TAOK3: variants seen among roughly 807,000 people sequenced by gnomAD.
TAOK3 encodes the protein TAO kinase 3.
TAOK3 carries 40 observed loss-of-function variants against 120.4 expected under a neutral mutation model. That is an observed-to-expected ratio of 0.33 (90% CI 0.26 to 0.43). The LOEUF (loss-of-function observed/expected upper bound fraction) is 0.43. TAOK3 is among the 20% of genes least tolerant of loss of function. TAOK3 has a pLI of 1.00. For missense variants in TAOK3, 821 were observed against 1,112.1 expected, an observed-to-expected ratio of 0.74 and a Z score of 3.72; for synonymous variants, 355 against 387.5, an observed-to-expected ratio of 0.92 and a Z score of 0.99.
chr12:118,149,937 T>G lies in TAOK3; in HGVS notation c.*1060A>C, dbSNP rs2034276002. ...GTAAAGCCTTTTTTTTTTTCATCAT[T>G]TTTTATTGTAAGAAAATACACAGTT... On this transcript the variant is annotated 3_prime_UTR_variant, in exon 21 of 21. Coordinates refer to ENST00000392533, the MANE Select transcript of TAOK3 (RefSeq NM_016281.4). 1 of 152,196 alleles carries G rather than the reference T, an allele frequency of 6.6e-6. No individual in the cohort carries two copies. Among genetic ancestry groups the G allele is most frequent in the South Asian group, 2.1e-4 (1 of 4,834 alleles). 9.4% of individuals were successfully genotyped at this position (152,196 alleles called of 1,614,324 possible).
chr12:118,361,975 T>C (rs186463716), intron 1 of TAOK3, among the ~76,000 whole-genome samples: 62 of 152,160 alleles, frequency 4.1e-4, no homozygotes, highest in African/African-American at 1.4e-3. Flanking sequence ...GCTTATACAC[T>C]GATGGTGCGA....
At position 118,150,236 on chromosome 12, in the gene TAOK3, A is replaced by C. The variant is rs920830195; in HGVS notation, c.*761T>G. ...GATTTGCCAAAGCCCAATTTGTGCT[A>C]CTGGGATTCTGTGAGCTCCTTAAGT... On this transcript the variant is annotated 3_prime_UTR_variant, in exon 21 of 21. Transcript: ENST00000392533. 6.6e-6 allele frequency: 1 copy of C among 152,652 alleles called. No homozygotes were observed. The highest frequency in any genetic ancestry group is 1.5e-5 in the Non-Finnish European group (1 of 68,048). 9.5% of individuals were successfully genotyped at this position (152,652 alleles called of 1,614,324 possible). A position where few individuals can be genotyped will look rare whatever the true frequency, so the allele number is the denominator to read the frequency against.
At chr12:118,241,832 C>T (rs932683916) in intron 5 of TAOK3, among the ~76,000 whole-genome samples, 2 of 152,022 alleles carry the variant, frequency 1.3e-5, no homozygotes, top group South Asian at 2.1e-4. Context: ...AACAGGTGGC[C>T]GGGTGCAGTG....
chr12:118,208,540 G>A (rs2038454295), intron 11 of TAOK3, among the ~76,000 whole-genome samples: 1 of 152,048 alleles, frequency 6.6e-6, no homozygotes, highest in African/African-American at 2.4e-5. Flanking sequence ...AAACTATAGT[G>A]AGAAAAGTTT....
chr12:118,329,369 A>G (rs2044056794), intron 1 of TAOK3, among the ~76,000 whole-genome samples: 1 of 152,232 alleles, frequency 6.6e-6, no homozygotes, highest in African/African-American at 2.4e-5. Flanking sequence ...CCTGAAGGAT[A>G]CGAATTGCAA....
intron 1 of TAOK3, among the ~76,000 whole-genome samples, chr12:118,302,336 T>C (rs1224653158): frequency 2.0e-5 from 3 of 152,214 alleles, no homozygotes; most frequent in African/African-American, 7.2e-5. Flanking sequence ...TCATCTCTCT[T>C]GTCCACTGCT....
rs766334747 is a variant in TAOK3, at chr12:118,318,158, C to CTT, written c.-193-51401_-193-51400dup. ...CTAAATAAGATATAAAGCTATAAAA[C>CTT]TTTTTTTTTTTTTTTTTTTAGATGG... is the stretch of plus-strand genomic sequence containing the variant. On this transcript the variant is annotated intron_variant, in intron 1 of 20. Transcript: ENST00000392533. Among the ~76,000 whole-genome samples the CTT allele has an allele frequency of 8.8e-3, 1,171 of 133,260 alleles. 19 individuals carry two copies. The highest frequency in any genetic ancestry group is 0.031 in the African/African-American group (1,114 of 36,250). The allele number at this position is 133,260 out of a possible 152,430, so 87.4% of individuals were successfully genotyped here. A position where few individuals can be genotyped will look rare whatever the true frequency, so the allele number is the denominator to read the frequency against.
intron 11 of TAOK3, among the ~76,000 whole-genome samples, chr12:118,210,821 C>T (rs2038588897): frequency 6.6e-6 from 1 of 151,512 alleles, no homozygotes; most frequent in Non-Finnish European, 1.5e-5. Flanking sequence ...TCACTGTAAC[C>T]TCCGCCTTCC....
chr12:118,209,717 C>CTTT (rs34444685), intron 11 of TAOK3, among the ~76,000 whole-genome samples: 1 of 142,650 alleles, frequency 7.0e-6, no homozygotes. Context: ...TCTTCTTCTT[C>CTTT]TTTTTTTTTT....
intron 3 of TAOK3, among the ~76,000 whole-genome samples, chr12:118,253,582 C>T (rs542916538): frequency 6.7e-5 from 10 of 150,292 alleles, no homozygotes; most frequent in Non-Finnish European, 1.5e-4. Flanking sequence ...TACAAAAATA[C>T]AAAAATTAGC....
chr12:118,206,473 C>A (rs1345471868), intron 11 of TAOK3, among the ~76,000 whole-genome samples: 2 of 152,198 alleles, frequency 1.3e-5, no homozygotes, highest in African/African-American at 2.4e-5. Context: ...GCTACTCCTC[C>A]TTCCTACACA....
chr12:118,255,430 A>G lies in TAOK3; in HGVS notation c.120+18T>C, dbSNP rs536380800. 5 of 1,613,460 alleles carry G rather than the reference A, an allele frequency of 3.1e-6. No homozygotes were observed. The African/African-American group carries it at 6.7e-5, about 22-fold the overall frequency. Reference sequence around the variant, plus strand: ...TTTCTTAATCTGATCTATCTAAAAGACTCTTTTAAGTACTTACAAAATAAA... The same window carrying G: ...TTTCTTAATCTGATCTATCTAAAAGGCTCTTTTAAGTACTTACAAAATAAA... On this transcript the variant is annotated intron_variant, in intron 3 of 20. Transcript: ENST00000392533.
At chr12:118,314,036 C>A (rs1463068764) in intron 1 of TAOK3, among the ~76,000 whole-genome samples, 1 of 152,138 alleles carries the variant, frequency 6.6e-6, no homozygotes, top group African/African-American at 2.4e-5. Flanking sequence ...CCTTCCAAGC[C>A]CACAAAATGC....
Position 118,330,794 on chromosome 12 carries a change from G to A in TAOK3, c.-194+41854C>T, listed in dbSNP as rs73412976. On this transcript the variant is annotated intron_variant, in intron 1 of 20. Coordinates refer to ENST00000392533, the MANE Select transcript of TAOK3 (RefSeq NM_016281.4). ...AAAAAAAGGTAGAAAGAGCCAGAAA[G>A]GGGCAGAAGGTTAAAAAGGCAATCT... Among the ~76,000 whole-genome samples the A allele has an allele frequency of 1.7e-3, 258 of 151,372 alleles. 3 individuals are homozygous for A. The highest frequency in any genetic ancestry group is 5.5e-3 in the Admixed American group (83 of 15,208).
chr12:118,159,413 T>C (rs1011307080), intron 19 of TAOK3, among the ~76,000 whole-genome samples: 4 of 151,428 alleles, frequency 2.6e-5, no homozygotes, highest in African/African-American at 7.3e-5. Flanking sequence ...CGGGTTCAAG[T>C]GATTCTCCTG....
intron 9 of TAOK3, among the ~76,000 whole-genome samples, chr12:118,216,129 T>A (rs1593186408): frequency 6.6e-6 from 1 of 151,854 alleles, no homozygotes; most frequent in Admixed American, 6.6e-5. Flanking sequence ...ACCCAGGAGG[T>A]GGAGGTTTCA....
intron 1 of TAOK3, among the ~76,000 whole-genome samples, chr12:118,332,975 AAC>A (rs146893418): frequency 3.3e-5 from 5 of 149,626 alleles, no homozygotes; most frequent in Non-Finnish European, 4.5e-5. Context: ...CAACAGTTTC[AAC>A]ACACACACAC....
At chr12:118,153,666 G>T (rs540147536) in intron 19 of TAOK3, among the ~76,000 whole-genome samples, 1 of 152,264 alleles carries the variant, frequency 6.6e-6, no homozygotes, top group African/African-American at 2.4e-5. Flanking sequence ...GTTTGGCTGA[G>T]AACTATGAGA....
intron 1 of TAOK3, among the ~76,000 whole-genome samples, chr12:118,300,673 GT>G (rs1464541593): frequency 6.6e-6 from 1 of 151,968 alleles, no homozygotes; most frequent in African/African-American, 2.4e-5. Context: ...TGTTCTTTCT[GT>G]TCCTCAACAG....
Sources: allele counts gnomAD v4.1 joint callset (sites outside exome capture counted in the v4.1 genomes callset), GRCh38; gene constraint gnomAD v4.1.1; transcripts MANE v1.5; gene names NCBI Gene and HGNC (gene_info 2026-07-23, HGNC 2026-07-21).